OPCML: variants seen among roughly 807,000 people sequenced by gnomAD.
OPCML encodes the protein opioid-binding protein/cell adhesion molecule.
Under a neutral mutation model 37.8 loss-of-function variants are expected in OPCML, and 13 were observed. That is an observed-to-expected ratio of 0.34 (90% CI 0.22 to 0.55). The LOEUF (loss-of-function observed/expected upper bound fraction) is 0.55. Among genes scored for constraint, OPCML ranks in the 20% least tolerant of loss-of-function variants. OPCML has a pLI of 0.91. For synonymous variants in OPCML, 176 were observed against 168.8 expected (o/e 1.04, Z -0.33); for missense variants, 341 against 435.6 (o/e 0.78, Z 1.93).
intron 1 of OPCML, among the ~76,000 whole-genome samples, chr11:133,245,510 G>A (rs1294239892): frequency 6.6e-6 from 1 of 152,162 alleles, no homozygotes; most frequent in East Asian, 1.9e-4. Context: ...AGCACCCAAA[G>A]CAGCCATTAG....
Position 132,529,483 on chromosome 11 carries a change from T to A in OPCML, c.380-297A>T, listed in dbSNP as rs550226222. Among the ~76,000 whole-genome samples, 40 of 152,106 alleles carry A rather than the reference T, an allele frequency of 2.6e-4. 1 individual carries two copies. The South Asian group carries it at 7.9e-3, about 30-fold the overall frequency. On this transcript the variant is annotated intron_variant, in intron 3 of 7. Coordinates refer to ENST00000524381, the MANE Select transcript of OPCML (RefSeq NM_001012393.5). The stretch of plus-strand genomic sequence containing the variant: ...TGATTGAAAGGCAAAATCAAAAATA[T>A]TCACAAAGCCTTCCAAGAGCTCCTG...
chr11:133,258,992 C>T (rs933153324), intron 1 of OPCML, among the ~76,000 whole-genome samples: 6 of 152,182 alleles, frequency 3.9e-5, no homozygotes, highest in Admixed American at 3.9e-4. Flanking sequence ...CAGAAGGAAA[C>T]TAAAAATTAA....
At chr11:133,184,115 G>A (rs745618340) in intron 1 of OPCML, among the ~76,000 whole-genome samples, 2 of 152,160 alleles carry the variant, frequency 1.3e-5, no homozygotes, top group Non-Finnish European at 2.9e-5. Context: ...GGTTCAAAAG[G>A]CAGGTGCTTC....
At chr11:132,693,588 T>C (rs913496677) in intron 2 of OPCML, among the ~76,000 whole-genome samples, 3 of 152,200 alleles carry the variant, frequency 2.0e-5, no homozygotes, top group Admixed American at 2.0e-4. Context: ...TACTTCATGG[T>C]AAGTGTTCTG....
At position 133,251,407 on chromosome 11, in the gene OPCML, T is replaced by C. The variant is rs151160643; in HGVS notation, c.61+280857A>G. ...AGGGCATAGAACTCTAGCCAACAAT[T>C]ATTTTCTGGAAATAAAAACAATCGC... On this transcript the variant is annotated intron_variant, in intron 1 of 7. Transcript: ENST00000524381. Among the ~76,000 whole-genome samples the C allele has an allele frequency of 9.0e-4, 136 of 151,466 alleles. 1 individual carries two copies. The highest frequency in any genetic ancestry group is 2.2e-3 in the African/African-American group (92 of 41,248).
intron 1 of OPCML, among the ~76,000 whole-genome samples, chr11:133,334,935 G>A (rs1943709911): frequency 6.6e-6 from 1 of 152,158 alleles, no homozygotes; most frequent in Admixed American, 6.5e-5. Context: ...CTTACCTACT[G>A]GTGCGCTCCA....
intron 1 of OPCML, among the ~76,000 whole-genome samples, chr11:133,143,101 C>T (rs1192069719): frequency 6.6e-6 from 1 of 152,118 alleles, no homozygotes; most frequent in Non-Finnish European, 1.5e-5. Flanking sequence ...GAGTCAGACT[C>T]CAGAGTGTAG....
chr11:133,220,410 T>A (rs902112846), intron 1 of OPCML, among the ~76,000 whole-genome samples: 5 of 152,168 alleles, frequency 3.3e-5, no homozygotes, highest in African/African-American at 4.8e-5. Flanking sequence ...GTTCTGCTAT[T>A]CCACATGAAG....
chr11:133,158,213 C>T (rs1311109859), intron 1 of OPCML, among the ~76,000 whole-genome samples: 5 of 152,128 alleles, frequency 3.3e-5, no homozygotes, highest in Non-Finnish European at 1.5e-5. Context: ...TGTGGCAAGT[C>T]CCTTCCCGTA....
intron 2 of OPCML, among the ~76,000 whole-genome samples, chr11:132,939,507 G>T (rs1945502087): frequency 6.6e-6 from 1 of 152,170 alleles, no homozygotes; most frequent in African/African-American, 2.4e-5. Context: ...AAACCAGAAA[G>T]AAAATCCAGT....
intron 1 of OPCML, among the ~76,000 whole-genome samples, chr11:133,069,844 G>A (rs1232358459): frequency 6.6e-6 from 1 of 152,058 alleles, no homozygotes; most frequent in Admixed American, 6.6e-5. Flanking sequence ...CTAATTTGAG[G>A]CCAGCTCAGA....
intron 1 of OPCML, among the ~76,000 whole-genome samples, chr11:133,500,023 C>T (rs1038885126): frequency 4.0e-5 from 6 of 151,486 alleles, no homozygotes; most frequent in Non-Finnish European, 8.8e-5. Flanking sequence ...AGGCATGTGC[C>T]ACCACACCCA....
chr11:132,425,044 C>T (rs1053113815), intron 7 of OPCML, among the ~76,000 whole-genome samples: 2 of 152,120 alleles, frequency 1.3e-5, no homozygotes, highest in African/African-American at 4.8e-5. Context: ...CTGGCTAGGT[C>T]AAAGGGTAAT....
chr11:133,106,554 G>A (rs960508280), intron 1 of OPCML, among the ~76,000 whole-genome samples: 2 of 152,174 alleles, frequency 1.3e-5, no homozygotes, highest in African/African-American at 4.8e-5. Context: ...TGTGTATATG[G>A]GGCTGCAGTG....
At position 133,096,393 on chromosome 11, in the gene OPCML, T is replaced by C. The variant is rs117951810; in HGVS notation, c.62-153383A>G. 4.6e-3 allele frequency among the ~76,000 whole-genome samples: 695 copies of C among 151,642 alleles called. 1 individual carries two copies. Among genetic ancestry groups the C allele is most frequent in the Non-Finnish European group, 7.8e-3 (527 of 67,778 alleles). ...TACAATTGAAATGCTAAGAAGGTGG[T>C]AGGAGAGAAAATGAGATTATGTAAA... On this transcript the variant is annotated intron_variant, in intron 1 of 7. Transcript: ENST00000524381.
intron 1 of OPCML, among the ~76,000 whole-genome samples, chr11:133,385,305 C>T (rs750336765): frequency 5.9e-5 from 9 of 152,096 alleles, no homozygotes; most frequent in Non-Finnish European, 7.4e-5. Flanking sequence ...AAACACTCAG[C>T]GAAGACCCTC....
At chr11:133,181,600 A>C (rs148955392) in intron 1 of OPCML, among the ~76,000 whole-genome samples, 234 of 152,280 alleles carry the variant, frequency 1.5e-3, no homozygotes, top group Middle Eastern at 3.4e-3. Flanking sequence ...ACCTCTGTCC[A>C]GGCTGGATCT....
chr11:132,880,847 C>T (rs1943199044), intron 2 of OPCML, among the ~76,000 whole-genome samples: 1 of 152,130 alleles, frequency 6.6e-6, no homozygotes, highest in Non-Finnish European at 1.5e-5. Context: ...AAACTGATCC[C>T]CACGCAGGGT....
chr11:133,308,921 G>A (rs552627452), intron 1 of OPCML, among the ~76,000 whole-genome samples: 1 of 152,244 alleles, frequency 6.6e-6, no homozygotes, highest in South Asian at 2.1e-4. Context: ...TGAAAAAATA[G>A]CAAAGATTAA....
Sources: allele counts gnomAD v4.1 joint callset (sites outside exome capture counted in the v4.1 genomes callset), GRCh38; gene constraint gnomAD v4.1.1; transcripts MANE v1.5; gene names NCBI Gene and HGNC (gene_info 2026-07-23, HGNC 2026-07-21).